Variants in CPNE4 observed in about 807,000 individuals in gnomAD.
The protein encoded by CPNE4 is copine-4.
A neutral mutation model predicts 67.9 loss-of-function variants in CPNE4; 25 were observed. The ratio of observed to expected loss-of-function variants is 0.37; its 90% CI spans 0.27 to 0.51. The LOEUF (loss-of-function observed/expected upper bound fraction) is 0.51, where lower values mean the gene tolerates loss of function less well. Ranked by LOEUF, CPNE4 falls within the 20% of genes least tolerant of loss-of-function variation. The probability of loss-of-function intolerance (pLI) is 0.93; values close to 1 mark genes in which losing one functional copy is unlikely to be tolerated. For missense variants in CPNE4, 464 were observed against 690.8 expected (o/e 0.67, Z 3.68); for synonymous variants, 242 against 244.9 (o/e 0.99, Z 0.11).
chr3:131,929,893 A>G (rs766394661), intron 1 of CPNE4, among the ~76,000 whole-genome samples: 74 of 152,310 alleles, frequency 4.9e-4, no homozygotes, highest in Middle Eastern at 3.4e-3. Context: ...AACACTTTTC[A>G]TAGGAAGTAC....
At chr3:131,899,008 C>T (rs768913074) in intron 2 of CPNE4, among the ~76,000 whole-genome samples, 2 of 152,032 alleles carry the variant, frequency 1.3e-5, no homozygotes, top group Non-Finnish European at 2.9e-5. Flanking sequence ...TGTTACCCAT[C>T]CAAACCTTGC....
At chr3:131,696,515 CA>C in intron 5 of CPNE4, 26 bp downstream of exon 5, 2 of 1,602,870 alleles carry the variant, frequency 1.2e-6, no homozygotes, top group Non-Finnish European at 1.7e-6. Context: ...TTACTTCCTT[CA>C]ATAAGGTTAA....
At chr3:131,658,380 TGG>T (rs11337187) in intron 7 of CPNE4, among the ~76,000 whole-genome samples, 1 of 151,998 alleles carries the variant, frequency 6.6e-6, no homozygotes, top group African/African-American at 2.4e-5. Flanking sequence ...CTAAATTGCA[TGG>T]GGGTGGATGT....
chr3:131,761,345 AGCT>A (rs1354567158), intron 2 of CPNE4, among the ~76,000 whole-genome samples: 1 of 151,600 alleles, frequency 6.6e-6, no homozygotes, highest in Non-Finnish European at 1.5e-5. Context: ...CCTGCTTAGT[AGCT>A]GAGACTACAG....
At chr3:131,752,840 G>A (rs1029726439) in intron 2 of CPNE4, among the ~76,000 whole-genome samples, 6 of 152,070 alleles carry the variant, frequency 3.9e-5, no homozygotes, top group East Asian at 1.9e-4. Context: ...ACTAGTATAC[G>A]AATTTAGTGC....
chr3:131,809,981 A>C (rs1229429855), intron 2 of CPNE4, among the ~76,000 whole-genome samples: 5 of 152,042 alleles, frequency 3.3e-5, no homozygotes, highest in Non-Finnish European at 7.4e-5. Context: ...GAGAATAAGG[A>C]GGTAGAAAAG....
In CPNE4 at chr3:131,542,818, TGGG is replaced by T. The variant is rs10716194; in HGVS notation, c.1303-28_1303-26del. 5 of 1,381,980 alleles carry T rather than the reference TGGG, an allele frequency of 3.6e-6. No individual in the cohort carries two copies. The Admixed American group carries it at 5.1e-5, about 14-fold the overall frequency. The allele number at this position is 1,381,980 out of a possible 1,614,324, so 85.6% of individuals were successfully genotyped here. ...GCTGCAGTCAGATGCCCCATGATGATGGGGGGGGGTGAAGAGGTGAGGGAGACA... is the reference window on the plus strand; with the variant it reads ...GCTGCAGTCAGATGCCCCATGATGATGGGGGGTGAAGAGGTGAGGGAGACA... On this transcript the variant is annotated intron_variant, in intron 14 of 15. Coordinates refer to ENST00000429747, the MANE Select transcript of CPNE4 (RefSeq NM_130808.3).
chr3:131,897,215 T>C (rs538638522), intron 2 of CPNE4, among the ~76,000 whole-genome samples: 12 of 152,180 alleles, frequency 7.9e-5, no homozygotes, highest in Admixed American at 1.3e-4. Flanking sequence ...AACATGGGTA[T>C]TGGAGACACA....
At chr3:131,772,934 C>G (rs1184882913) in intron 2 of CPNE4, among the ~76,000 whole-genome samples, 1 of 152,084 alleles carries the variant, frequency 6.6e-6, no homozygotes, top group Non-Finnish European at 1.5e-5. Flanking sequence ...TCTTTAAGAA[C>G]TAGGAAGTGA....
intron 2 of CPNE4, among the ~76,000 whole-genome samples, chr3:131,828,065 A>G (rs1054534520): frequency 1.3e-5 from 2 of 151,142 alleles, no homozygotes; most frequent in Admixed American, 6.6e-5. Flanking sequence ...ATATGGCAGT[A>G]GCATCCCTAT....
chr3:131,865,536 C>A (rs1315935086), intron 2 of CPNE4, among the ~76,000 whole-genome samples: 4 of 152,074 alleles, frequency 2.6e-5, no homozygotes, highest in Non-Finnish European at 5.9e-5. Flanking sequence ...CATATAATCA[C>A]CCCTATAAGG....
intron 8 of CPNE4, 118 bp from the exon 9 acceptor site, chr3:131,581,783 T>G: frequency 1.4e-6 from 1 of 721,328 alleles, no homozygotes. Flanking sequence ...AAATAGTCTC[T>G]AGGTGGTAAC....
At chr3:131,540,839 T>G (rs986409086) in intron 15 of CPNE4, among the ~76,000 whole-genome samples, 6 of 151,510 alleles carry the variant, frequency 4.0e-5, no homozygotes, top group Admixed American at 1.3e-4. Flanking sequence ...GAAGATACTT[T>G]CCAGCAGGGG....
intron 11 of CPNE4, among the ~76,000 whole-genome samples, chr3:131,556,975 C>T (rs1936492713): frequency 6.6e-6 from 1 of 152,056 alleles, no homozygotes; most frequent in South Asian, 2.1e-4. Flanking sequence ...TAAATAGAGC[C>T]TCAGAAAGGC....
In CPNE4 at chr3:131,757,110, C is replaced by G. The variant is rs1229737273; in HGVS notation, c.181-33485G>C. ...ATGGACTAATACAGTAAATTGGTAC[C>G]AGTAAAGTAAGGGGGTTGCTGAAAA... On this transcript the variant is annotated intron_variant, in intron 2 of 15. Transcript: ENST00000429747. Among the ~76,000 whole-genome samples the G allele has an allele frequency of 2.6e-5, 4 of 152,120 alleles. No homozygotes were observed. In the East Asian group the frequency reaches 7.7e-4, roughly 29 times the overall value.
chr3:131,578,928 G>A (rs1257157195), intron 9 of CPNE4, among the ~76,000 whole-genome samples: 2 of 152,172 alleles, frequency 1.3e-5, no homozygotes, highest in African/African-American at 2.4e-5. Context: ...AAATGCTGAT[G>A]GAAAAGCTGC....
intron 1 of CPNE4, among the ~76,000 whole-genome samples, chr3:131,988,052 C>A (rs1202216022): frequency 6.6e-6 from 1 of 152,136 alleles, no homozygotes; most frequent in African/African-American, 2.4e-5. Flanking sequence ...TGAGTCTCTG[C>A]CATGTGCTAT....
chr3:131,845,233 T>C (rs917593010), intron 2 of CPNE4, among the ~76,000 whole-genome samples: 14 of 152,220 alleles, frequency 9.2e-5, no homozygotes, highest in Non-Finnish European at 4.4e-5. Context: ...TCAACTTATA[T>C]TGAATAGTAA....
At chr3:132,028,285 T>C (rs1171212052) in intron 1 of CPNE4, among the ~76,000 whole-genome samples, 3 of 152,192 alleles carry the variant, frequency 2.0e-5, no homozygotes, top group Non-Finnish European at 2.9e-5. Flanking sequence ...ACTTCCCAGG[T>C]CCTTTGAGAC....
Sources: allele counts gnomAD v4.1 joint callset (sites outside exome capture counted in the v4.1 genomes callset), GRCh38; gene constraint gnomAD v4.1.1; transcripts MANE v1.5; gene names NCBI Gene and HGNC (gene_info 2026-07-23, HGNC 2026-07-21).